IPO11: variants seen among roughly 807,000 people sequenced by gnomAD.
IPO11 encodes importin-11.
Under a neutral mutation model 143.2 loss-of-function variants are expected in IPO11, and 66 were observed. The ratio of observed to expected loss-of-function variants is 0.46; its 90% CI spans 0.38 to 0.57. The LOEUF is 0.57. Ranked by LOEUF, IPO11 falls within the 20% of genes least tolerant of loss-of-function variation. The probability of loss-of-function intolerance (pLI) is 0.00; values close to 1 mark genes in which losing one functional copy is unlikely to be tolerated. For missense variants in IPO11, 1,026 were observed against 1,141.0 expected, an observed-to-expected ratio of 0.90 and a Z score of 1.45; for synonymous variants, 385 against 377.8, an observed-to-expected ratio of 1.02 and a Z score of -0.22.
intron 1 of IPO11, among the ~76,000 whole-genome samples, chr5:62,413,774 TG>T (rs1743202581): frequency 1.3e-5 from 2 of 152,224 alleles, no homozygotes; most frequent in Admixed American, 6.5e-5. Context: ...TTCCCCCTCC[TG>T]GGATAGGAAT....
intron 27 of IPO11, among the ~76,000 whole-genome samples, chr5:62,587,064 T>G (rs980473150): frequency 9.9e-5 from 15 of 151,908 alleles, no homozygotes; most frequent in Non-Finnish European, 1.9e-4. Flanking sequence ...TGGGCATTGT[T>G]TTTTATAGCA....
At chr5:62,414,285 G>A (rs375590203) in intron 1 of IPO11, among the ~76,000 whole-genome samples, 3 of 152,254 alleles carry the variant, frequency 2.0e-5, no homozygotes, top group South Asian at 2.1e-4. Flanking sequence ...AAAATACACT[G>A]AAGATTTTTC....
chr5:62,570,828 A>G (rs545348881), intron 27 of IPO11, among the ~76,000 whole-genome samples: 3 of 152,340 alleles, frequency 2.0e-5, no homozygotes, highest in African/African-American at 7.2e-5. Context: ...ATTCTGTGAG[A>G]CACTTCTTTT....
intron 19 of IPO11, among the ~76,000 whole-genome samples, chr5:62,514,095 C>T (rs981058407): frequency 1.3e-5 from 2 of 151,096 alleles, no homozygotes; most frequent in African/African-American, 4.9e-5. Context: ...AGAGACGCTC[C>T]TCACTTTCCA....
intron 19 of IPO11, among the ~76,000 whole-genome samples, chr5:62,507,998 CT>C (rs148649294): frequency 3.3e-5 from 5 of 151,642 alleles, no homozygotes; most frequent in African/African-American, 7.2e-5. Flanking sequence ...TTGTCTGATT[CT>C]TTTTTTTTCT....
At chr5:62,443,244 A>G in intron 3 of IPO11, 161 bp downstream of exon 3, 1 of 456,312 alleles carries the variant, frequency 2.2e-6, no homozygotes. Context: ...GTCTCTGTGC[A>G]AGGATGATGT....
chr5:62,511,557 A>G (rs1382432349), intron 19 of IPO11, among the ~76,000 whole-genome samples: 3 of 152,144 alleles, frequency 2.0e-5, no homozygotes, highest in Non-Finnish European at 4.4e-5. Context: ...ATTTTTCTGC[A>G]TTCCCCACTA....
chr5:62,520,702 C>G (rs146616507), intron 20 of IPO11, among the ~76,000 whole-genome samples: 1 of 152,310 alleles, frequency 6.6e-6, no homozygotes, highest in Non-Finnish European at 1.5e-5. Flanking sequence ...AGGATGGCTG[C>G]GTAGTATTAC....
At chr5:62,605,789 G>A (rs1386115952) in intron 29 of IPO11, among the ~76,000 whole-genome samples, 3 of 151,634 alleles carry the variant, frequency 2.0e-5, no homozygotes, top group Non-Finnish European at 4.4e-5. Context: ...AGGTTGGAGT[G>A]CAATGGGTGC....
intron 24 of IPO11, among the ~76,000 whole-genome samples, chr5:62,544,798 A>G (rs1050146290): frequency 6.6e-6 from 1 of 152,220 alleles, no homozygotes; most frequent in Non-Finnish European, 1.5e-5. Flanking sequence ...GCATTTTTAT[A>G]CACCAATAAC....
Position 62,490,129 on chromosome 5 carries a change from GGAT to G in IPO11, c.1373_1375del (p.Gly458_Leu459delinsVal). The G allele has an allele frequency of 6.3e-7, 1 of 1,591,766 alleles. No individual in the cohort carries two copies. The highest frequency in any genetic ancestry group is 1.2e-5 in the South Asian group (1 of 85,896). Reference sequence around the variant, plus strand: ...TTTCTTCTCAGTGTATAATGCTGTTGGATTAGCTGCTTATGAGCTCTTTGACAG... The same window carrying G: ...TTTCTTCTCAGTGTATAATGCTGTTGTAGCTGCTTATGAGCTCTTTGACAG... On this transcript the variant is annotated inframe_deletion, in exon 15 of 30. Transcript: ENST00000325324.
At chr5:62,486,259 C>T (rs966978862) in intron 12 of IPO11, among the ~76,000 whole-genome samples, 10 of 152,238 alleles carry the variant, frequency 6.6e-5, no homozygotes, top group Admixed American at 2.0e-4. Context: ...GGATTACAGG[C>T]GTGAGCCACT....
At chr5:62,548,003 T>C (rs1350746119) in intron 24 of IPO11, among the ~76,000 whole-genome samples, 1 of 151,432 alleles carries the variant, frequency 6.6e-6, no homozygotes, top group Non-Finnish European at 1.5e-5. Context: ...CTTTTGTATC[T>C]ATGTTCAGAT....
At chr5:62,462,070 A>C (rs1355949282) in intron 5 of IPO11, among the ~76,000 whole-genome samples, 3 of 152,216 alleles carry the variant, frequency 2.0e-5, no homozygotes, top group Admixed American at 1.3e-4. Flanking sequence ...ATCGAGATCT[A>C]ACTTTGCCAT....
At chr5:62,452,258 T>C (rs943079868) in intron 5 of IPO11, among the ~76,000 whole-genome samples, 1 of 150,618 alleles carries the variant, frequency 6.6e-6, no homozygotes, top group Non-Finnish European at 1.5e-5. Context: ...AAAAATAAAA[T>C]AAAATAAAAA....
intron 24 of IPO11, among the ~76,000 whole-genome samples, chr5:62,549,935 T>C (rs904358830): frequency 6.6e-6 from 1 of 152,240 alleles, no homozygotes; most frequent in African/African-American, 2.4e-5. Flanking sequence ...AACTTAAATG[T>C]AGATTTATTT....
intron 29 of IPO11, among the ~76,000 whole-genome samples, chr5:62,611,305 G>A (rs1293601319): frequency 6.6e-6 from 1 of 152,142 alleles, no homozygotes; most frequent in Admixed American, 6.5e-5. Context: ...TAATCCAACT[G>A]AGATGCAATA....
intron 26 of IPO11, among the ~76,000 whole-genome samples, chr5:62,553,408 A>T (rs1303068089): frequency 6.6e-6 from 1 of 151,426 alleles, no homozygotes; most frequent in Non-Finnish European, 1.5e-5. Context: ...GCCTAGGTTA[A>T]TTCCATATCT....
chr5:62,509,190 A>T (rs1044598508), intron 19 of IPO11, among the ~76,000 whole-genome samples: 84 of 152,358 alleles, frequency 5.5e-4, no homozygotes, highest in African/African-American at 1.9e-3. Flanking sequence ...ATATGTAATC[A>T]TCAGGCGTGG....
Sources: gnomAD v4.1 joint callset for allele counts (sites outside exome capture counted in the v4.1 genomes callset) on GRCh38, gnomAD v4.1.1 for gene constraint, MANE v1.5 for transcripts, NCBI Gene and HGNC (gene_info 2026-07-23, HGNC 2026-07-21) for gene names.